Variants in NWD2 observed in about 807,000 individuals in gnomAD.
NWD2 encodes the protein NACHT and WD repeat domain-containing protein 2.
A neutral mutation model predicts 132.7 loss-of-function variants in NWD2; 37 were observed. The ratio of observed to expected loss-of-function variants is 0.28; its 90% CI spans 0.21 to 0.37. The LOEUF (loss-of-function observed/expected upper bound fraction) is 0.37, where lower values mean the gene tolerates loss of function less well. NWD2 is among the 10% of genes least tolerant of loss of function. The probability of loss-of-function intolerance (pLI) is 1.00; values close to 1 mark genes in which losing one functional copy is unlikely to be tolerated. For synonymous variants in NWD2, 705 were observed against 803.0 expected, an observed-to-expected ratio of 0.88 and a Z score of 2.06; for missense variants, 1,592 against 2,122.4, an observed-to-expected ratio of 0.75 and a Z score of 4.91.
At chr4:37,330,912 A>G (rs112457203) in intron 2 of NWD2, among the ~76,000 whole-genome samples, 3 of 57,950 alleles carry the variant, frequency 5.2e-5, no homozygotes, top group Admixed American at 2.1e-4. Flanking sequence ...GAGTATTTCT[A>G]TACAATACCA....
chr4:37,364,698 AC>A (rs1360835459), intron 3 of NWD2, among the ~76,000 whole-genome samples: 11 of 143,730 alleles, frequency 7.7e-5, no homozygotes, highest in African/African-American at 2.8e-4. Flanking sequence ...ACTTACACAC[AC>A]ACACACACAC....
intron 2 of NWD2, among the ~76,000 whole-genome samples, chr4:37,353,233 A>G (rs948110304): frequency 6.6e-6 from 1 of 152,136 alleles, no homozygotes; most frequent in African/African-American, 2.4e-5. Context: ...TGTTTGTCTA[A>G]TGGGCTTCCC....
chr4:37,276,332 C>T (rs1032351841), intron 1 of NWD2, among the ~76,000 whole-genome samples: 23 of 152,204 alleles, frequency 1.5e-4, no homozygotes, highest in Non-Finnish European at 3.1e-4. Flanking sequence ...CCAACAGACA[C>T]GTGAAAAAAT....
intron 3 of NWD2, among the ~76,000 whole-genome samples, chr4:37,396,350 G>A (rs1304298444): frequency 6.6e-6 from 1 of 152,214 alleles, no homozygotes; most frequent in Non-Finnish European, 1.5e-5. Flanking sequence ...GTCCCTTTAA[G>A]ATGGTTGGAG....
intron 3 of NWD2, among the ~76,000 whole-genome samples, chr4:37,392,598 G>T (rs1720699333): frequency 1.3e-5 from 2 of 152,184 alleles, no homozygotes; most frequent in Non-Finnish European, 1.5e-5. Context: ...TGTAGATGAT[G>T]TAAGAATGTT....
At chr4:37,364,773 A>C (rs928878544) in intron 3 of NWD2, among the ~76,000 whole-genome samples, 1 of 151,988 alleles carries the variant, frequency 6.6e-6, no homozygotes, top group Non-Finnish European at 1.5e-5. Context: ...GGTCATGCTC[A>C]TACCCACCAC....
chr4:37,363,485 G>A (rs1201510954), intron 3 of NWD2, among the ~76,000 whole-genome samples: 1 of 152,154 alleles, frequency 6.6e-6, no homozygotes, highest in African/African-American at 2.4e-5. Context: ...GTTCTTTGTA[G>A]CAACATGGAT....
chr4:37,418,372 A>G lies in NWD2; in HGVS notation c.358-12200A>G, dbSNP rs77862012. Among the ~76,000 whole-genome samples, 25 of 152,278 alleles carry G rather than the reference A, an allele frequency of 1.6e-4. No homozygotes were observed. In the East Asian group the frequency reaches 3.9e-3, roughly 23 times the overall value. ...TCTATGCAGAATAATTTCAAATTATATAGATTATGTAATGATGTAGATACT... is the reference window on the plus strand; with the variant it reads ...TCTATGCAGAATAATTTCAAATTATGTAGATTATGTAATGATGTAGATACT... On this transcript the variant is annotated intron_variant, in intron 3 of 6. Transcript: ENST00000309447.
At chr4:37,335,376 G>A (rs1023881591) in intron 2 of NWD2, among the ~76,000 whole-genome samples, 49 of 150,944 alleles carry the variant, frequency 3.2e-4, no homozygotes, top group Non-Finnish European at 6.3e-4. Context: ...ATGTAGTGAA[G>A]TCCTTCTATG....
At chr4:37,349,237 A>C (rs754184309) in intron 2 of NWD2, among the ~76,000 whole-genome samples, 1 of 152,196 alleles carries the variant, frequency 6.6e-6, no homozygotes, top group Non-Finnish European at 1.5e-5. Flanking sequence ...TTCTGTTTCT[A>C]GATCCTTGAG....
In NWD2 at chr4:37,447,434, T is replaced by G. The variant is rs1480026466; in HGVS notation, c.*217T>G. 3 of 556,872 alleles carry G rather than the reference T, an allele frequency of 5.4e-6. No individual in the cohort carries two copies. The highest frequency in any genetic ancestry group is 9.6e-6 in the Non-Finnish European group (3 of 313,036). 34.5% of individuals were successfully genotyped at this position (556,872 alleles called of 1,614,324 possible). ...AATGTCAGAATTTCTAGTAGTAATA[T>G]TTAAATGGTTACTTCATCTGAAAGG... On this transcript the variant is annotated 3_prime_UTR_variant, in exon 7 of 7. Transcript: ENST00000309447.
intron 1 of NWD2, among the ~76,000 whole-genome samples, chr4:37,282,437 T>C (rs1359727692): frequency 6.6e-6 from 1 of 152,218 alleles, no homozygotes; most frequent in African/African-American, 2.4e-5. Context: ...TCTGATACTA[T>C]TTTTGCACAG....
chr4:37,390,229 CATATACTTTAAGTATA>C lies in NWD2; in HGVS notation c.357+33748_357+33763del, dbSNP rs1211218074. ...TTATACTGAAATTTAAGTATATGTACATATACTTTAAGTATATGTACATACTTTAAGTATATGTACA... is the reference window on the plus strand; with the variant it reads ...TTATACTGAAATTTAAGTATATGTACTGTACATACTTTAAGTATATGTACA... On this transcript the variant is annotated intron_variant, in intron 3 of 6. Coordinates refer to ENST00000309447, the MANE Select transcript of NWD2 (RefSeq NM_001144990.2). 2.5e-3 allele frequency among the ~76,000 whole-genome samples: 358 copies of C among 141,860 alleles called. 3 individuals are homozygous for C. Among genetic ancestry groups the C allele is most frequent in the African/African-American group, 8.1e-3 (313 of 38,688 alleles). The allele number at this position is 141,860 out of a possible 152,430, so 93.1% of individuals were successfully genotyped here. A position where few individuals can be genotyped will look rare whatever the true frequency, so the allele number is the denominator to read the frequency against.
chr4:37,312,856 T>G (rs148829210), intron 1 of NWD2, among the ~76,000 whole-genome samples: 23,622 of 151,166 alleles, frequency 0.16, 2,453 homozygotes, highest in South Asian at 0.33. Flanking sequence ...TTGAATTTTG[T>G]CAAAGACCTT....
intron 3 of NWD2, among the ~76,000 whole-genome samples, chr4:37,419,143 G>T (rs1044494744): frequency 5.3e-5 from 8 of 152,074 alleles, no homozygotes; most frequent in African/African-American, 2.4e-5. Context: ...AAAACAAGCA[G>T]TGGATAAAAT....
At chr4:37,274,881 AC>A (rs1397545159) in intron 1 of NWD2, among the ~76,000 whole-genome samples, 4 of 64,410 alleles carry the variant, frequency 6.2e-5, no homozygotes, top group Non-Finnish European at 9.4e-5. Flanking sequence ...AAATTCAACA[AC>A]CCTTCATGCT....
At chr4:37,310,125 A>G (rs1718800777) in intron 1 of NWD2, among the ~76,000 whole-genome samples, 1 of 152,202 alleles carries the variant, frequency 6.6e-6, no homozygotes. Context: ...TCTACCATGT[A>G]CCCACAAATG....
intron 2 of NWD2, among the ~76,000 whole-genome samples, chr4:37,354,848 A>G (rs1346110453): frequency 6.6e-6 from 1 of 152,258 alleles, no homozygotes; most frequent in East Asian, 1.9e-4. Context: ...AAGATTAACA[A>G]CAGATAAGCC....
At chr4:37,365,985 A>G (rs551050235) in intron 3 of NWD2, among the ~76,000 whole-genome samples, 5 of 152,304 alleles carry the variant, frequency 3.3e-5, no homozygotes, top group African/African-American at 1.2e-4. Context: ...GTAAAATGTA[A>G]ACATCATGTT....
Sources: allele counts gnomAD v4.1 joint callset (sites outside exome capture counted in the v4.1 genomes callset), GRCh38; gene constraint gnomAD v4.1.1; transcripts MANE v1.5; gene names NCBI Gene and HGNC (gene_info 2026-07-23, HGNC 2026-07-21).